The following RRP15 variants were observed in gnomAD, a reference collection of about 807,000 sequenced individuals.
RRP15 encodes ribosomal RNA processing 15 homolog.
Under a neutral mutation model 27.1 loss-of-function variants are expected in RRP15, and 18 were observed. That is an observed-to-expected ratio of 0.66 (90% CI 0.46 to 0.98). RRP15 has a LOEUF of 0.98. Among genes scored for constraint, RRP15 ranks in the 50% least tolerant of loss-of-function variants. The pLI, the probability that RRP15 is intolerant of heterozygous loss-of-function variation, is 0.00. For missense variants in RRP15, 359 were observed against 337.8 expected (o/e 1.06, Z -0.49); for synonymous variants, 107 against 109.4 (o/e 0.98, Z 0.14).
At chr1:218,320,621 G>A (rs974488264) in intron 4 of RRP15, among the ~76,000 whole-genome samples, 8 of 152,040 alleles carry the variant, frequency 5.3e-5, no homozygotes, top group African/African-American at 1.9e-4. Flanking sequence ...CTTTGAACAA[G>A]GACATATGTA....
At chr1:218,296,141 T>C (rs1655715835) in intron 1 of RRP15, among the ~76,000 whole-genome samples, 1 of 152,142 alleles carries the variant, frequency 6.6e-6, no homozygotes, top group African/African-American at 2.4e-5. Flanking sequence ...ATTTTTTAAA[T>C]TCAAGCTTTA....
Position 218,332,850 on chromosome 1 carries a change from TAAC to T in RRP15, c.*1762_*1764del, listed in dbSNP as rs1247637674. On this transcript the variant is annotated 3_prime_UTR_variant, in exon 5 of 5. Coordinates refer to ENST00000366932, the MANE Select transcript of RRP15 (RefSeq NM_016052.4). ...TACAGATACATATTTCAATATGACTTAACAAACACACAATTTTGAAAAAAAAAA... is the reference window on the plus strand; with the variant it reads ...TACAGATACATATTTCAATATGACTTAAACACACAATTTTGAAAAAAAAAA... 1.4e-5 allele frequency: 2 copies of T among 147,310 alleles called. No individual in the cohort carries two copies. Among genetic ancestry groups the T allele is most frequent in the Non-Finnish European group, 3.0e-5 (2 of 67,104 alleles). The allele number at this position is 147,310 out of a possible 1,614,324, so 9.1% of individuals were successfully genotyped here.
intron 4 of RRP15, among the ~76,000 whole-genome samples, chr1:218,318,728 A>G (rs1018597214): frequency 6.6e-6 from 1 of 152,090 alleles, no homozygotes; most frequent in Non-Finnish European, 1.5e-5. Flanking sequence ...ACTTGGTTAA[A>G]GTGATAATAA....
intron 1 of RRP15, among the ~76,000 whole-genome samples, chr1:218,297,483 A>G (rs1278165224): frequency 2.0e-5 from 3 of 152,182 alleles, no homozygotes; most frequent in Admixed American, 6.5e-5. Flanking sequence ...TGAAAACCCA[A>G]TGAAGTACCA....
chr1:218,328,904 C>T (rs1254914093), intron 4 of RRP15, among the ~76,000 whole-genome samples: 1 of 152,038 alleles, frequency 6.6e-6, no homozygotes, highest in Non-Finnish European at 1.5e-5. Flanking sequence ...ATAGAGGCTT[C>T]ACACTGAGAT....
chr1:218,303,390 T>C (rs1558204956), intron 2 of RRP15, among the ~76,000 whole-genome samples: 1 of 152,214 alleles, frequency 6.6e-6, no homozygotes, highest in East Asian at 1.9e-4. Flanking sequence ...TCAAGATGAA[T>C]GTTTTCTTTG....
At chr1:218,308,774 GTC>G (rs956925202) in intron 4 of RRP15, among the ~76,000 whole-genome samples, 2 of 152,156 alleles carry the variant, frequency 1.3e-5, no homozygotes, top group African/African-American at 4.8e-5. Context: ...ATTTTAAAGT[GTC>G]TATCAGAAGT....
At chr1:218,292,357 G>A (rs184494682) in intron 1 of RRP15, among the ~76,000 whole-genome samples, 8 of 152,288 alleles carry the variant, frequency 5.3e-5, no homozygotes, top group African/African-American at 1.9e-4. Flanking sequence ...TAGGGACACT[G>A]CACAACCCGT....
At chr1:218,320,351 A>G (rs1450865190) in intron 4 of RRP15, among the ~76,000 whole-genome samples, 1 of 151,858 alleles carries the variant, frequency 6.6e-6, no homozygotes, top group Non-Finnish European at 1.5e-5. Flanking sequence ...GAGAATGATG[A>G]TTTCCAGTTT....
intron 3 of RRP15, among the ~76,000 whole-genome samples, chr1:218,306,623 G>A (rs1007782756): frequency 1.4e-4 from 22 of 152,062 alleles, no homozygotes; most frequent in Non-Finnish European, 2.8e-4. Flanking sequence ...TTTTAGAGCC[G>A]GAAGGGATCT....
chr1:218,312,617 C>A (rs1246196253), intron 4 of RRP15, among the ~76,000 whole-genome samples: 1 of 151,886 alleles, frequency 6.6e-6, no homozygotes, highest in Non-Finnish European at 1.5e-5. Context: ...AGAAGAGGAA[C>A]CTTCTTTGCC....
intron 3 of RRP15, 129 bp downstream of exon 3, chr1:218,305,254 G>C: frequency 1.6e-6 from 1 of 624,588 alleles, no homozygotes; most frequent in Non-Finnish European, 2.8e-6. Context: ...AAGCCTGCCT[G>C]TTCAACACTG....
rs1487779802 is a variant in RRP15, at chr1:218,333,249, TATC to T, written c.*2161_*2163del. 1 of 152,228 alleles carries T rather than the reference TATC, an allele frequency of 6.6e-6. No individual in the cohort carries two copies. Among genetic ancestry groups the T allele is most frequent in the Non-Finnish European group, 1.5e-5 (1 of 68,038 alleles). 9.4% of individuals were successfully genotyped at this position (152,228 alleles called of 1,614,324 possible). A position where few individuals can be genotyped will look rare whatever the true frequency, so the allele number is the denominator to read the frequency against. ...TATATATAAATTATATGACAATTTT[TATC>T]ATATAGATTTGATATCTTCTATGTA... On this transcript the variant is annotated 3_prime_UTR_variant, in exon 5 of 5. Transcript: ENST00000366932.
chr1:218,291,171 C>T (rs1298535225), intron 1 of RRP15, among the ~76,000 whole-genome samples: 1 of 151,604 alleles, frequency 6.6e-6, no homozygotes, highest in Non-Finnish European at 1.5e-5. Flanking sequence ...GACATGGTGG[C>T]TCACACCTGT....
At chr1:218,330,826 C>A (rs1571811577) in intron 4 of RRP15, 122 bp from the exon 5 acceptor site, 1 of 676,988 alleles carries the variant, frequency 1.5e-6, no homozygotes, top group African/African-American at 1.8e-5. Flanking sequence ...TTTATAATTT[C>A]TCTTGGTTTT....
chr1:218,297,008 G>C (rs969194233), intron 1 of RRP15, among the ~76,000 whole-genome samples: 2 of 152,084 alleles, frequency 1.3e-5, no homozygotes, highest in African/African-American at 4.8e-5. Context: ...CATTTATTTA[G>C]TGCCTACTAT....
intron 1 of RRP15, among the ~76,000 whole-genome samples, chr1:218,292,175 G>A (rs1409952332): frequency 2.0e-5 from 3 of 152,158 alleles, no homozygotes; most frequent in African/African-American, 7.2e-5. Context: ...CAAACTCATA[G>A]CACCATACAT....
In RRP15 at chr1:218,310,041, A is replaced by G. The variant is rs543460761; in HGVS notation, c.705+2409A>G. Among the ~76,000 whole-genome samples, 4 of 152,334 alleles carry G rather than the reference A, an allele frequency of 2.6e-5. No individual in the cohort carries two copies. The South Asian group carries it at 8.3e-4, about 32-fold the overall frequency. ...GGAAGGCAGGGTGGCAAAGGTGAGC[A>G]TAGATTTGATGTGCCAAAGTGCTAT... On this transcript the variant is annotated intron_variant, in intron 4 of 4. Coordinates refer to ENST00000366932, the MANE Select transcript of RRP15 (RefSeq NM_016052.4).
Position 218,334,265 on chromosome 1 carries a change from C to A in RRP15, c.*3174C>A, listed in dbSNP as rs897196999. ...ATTATTCAATTGATTGCAAAATATA[C>A]CTTGGAAACCCTTTGGATAGAACAG... On this transcript the variant is annotated 3_prime_UTR_variant, in exon 5 of 5. Transcript: ENST00000366932. 6.6e-6 allele frequency: 1 copy of A among 152,104 alleles called. No homozygotes were observed. The highest frequency in any genetic ancestry group is 2.4e-5 in the African/African-American group (1 of 41,406). 9.4% of individuals were successfully genotyped at this position (152,104 alleles called of 1,614,324 possible). A position where few individuals can be genotyped will look rare whatever the true frequency, so the allele number is the denominator to read the frequency against.
Sources: allele counts gnomAD v4.1 joint callset (sites outside exome capture counted in the v4.1 genomes callset), GRCh38; gene constraint gnomAD v4.1.1; transcripts MANE v1.5; gene names NCBI Gene and HGNC (gene_info 2026-07-23, HGNC 2026-07-21).